Variants in SHROOM1 observed in about 807,000 individuals in gnomAD.
SHROOM1 encodes the protein shroom family member 1, also known as protein Shroom1.
A neutral mutation model predicts 64.2 loss-of-function variants in SHROOM1; 53 were observed. The observed-to-expected ratio is 0.83, with a 90% CI of 0.66 to 1.04. The LOEUF (loss-of-function observed/expected upper bound fraction) is 1.04, where lower values mean the gene tolerates loss of function less well. Among genes scored for constraint, SHROOM1 ranks in the 50% least tolerant of loss-of-function variants. The probability of loss-of-function intolerance (pLI) is 0.00; values close to 1 mark genes in which losing one functional copy is unlikely to be tolerated. For synonymous variants in SHROOM1, 490 were observed against 518.9 expected, an observed-to-expected ratio of 0.94 and a Z score of 0.76; for missense variants, 1,179 against 1,163.2, an observed-to-expected ratio of 1.01 and a Z score of -0.20.
chr5:132,830,023 C>G lies in SHROOM1; in HGVS notation c.-501+571G>C, dbSNP rs1006003698. 20 of 985,254 alleles carry G rather than the reference C, an allele frequency of 2.0e-5. No homozygotes were observed. The highest frequency in any genetic ancestry group is 6.1e-5 in the Admixed American group (1 of 16,266). 61.0% of individuals were successfully genotyped at this position (985,254 alleles called of 1,614,324 possible). A position where few individuals can be genotyped will look rare whatever the true frequency, so the allele number is the denominator to read the frequency against. On this transcript the variant is annotated intron_variant, in intron 1 of 9. Transcript: ENST00000378679. This position sits in a 1 kb window ranked among gnomAD's most constrained non-coding sequence, Gnocchi z 5.9. The stretch of plus-strand genomic sequence containing the variant: ...AGGCGGCCGCGGGCGTGGACAGACC[C>G]GGTTACCTGGGGTTCAATCTCTGGG...
rs1408873625 is a variant in SHROOM1 at position 132,823,014 on chromosome 5, G to C, written c.2341C>G (p.Leu781Val). ...RAVREVLVRALPVEELRVYCA... is the reference protein window; with the variant it reads ...RAVREVLVRAVPVEELRVYCA... ...TAGACGCGCAGCTCCTCCACCGGTA[G>C]TGCTCGCACCAGCACCTCCCGCACG... The change falls in exon 10 of 10, where the codon CTA (leucine) becomes GTA (valine). Residue 781 changes from leucine to valine, a missense_variant. Physicochemically the swap from Leu to Val is conservative, Grantham distance 32. Transcript: ENST00000378679. The surrounding 1 kb of genome is among the most constrained non-coding windows in gnomAD (Gnocchi z 4.6). 6.2e-7 allele frequency: 1 copy of C among 1,603,724 alleles called. No individual in the cohort carries two copies. Among genetic ancestry groups the C allele is most frequent in the East Asian group, 2.2e-5 (1 of 44,850 alleles).
intron 1 of SHROOM1, among the ~76,000 whole-genome samples, chr5:132,827,876 C>T (rs1758752063): frequency 6.6e-6 from 1 of 152,106 alleles, no homozygotes; most frequent in Non-Finnish European, 1.5e-5. Context: ...GCAAGCACAG[C>T]TTGGGGCAGG....
intron 1 of SHROOM1, among the ~76,000 whole-genome samples, chr5:132,828,153 C>G (rs1421478911): frequency 6.6e-6 from 1 of 152,092 alleles, no homozygotes; most frequent in Non-Finnish European, 1.5e-5. Context: ...CTATCTGGAG[C>G]TCAGAGTCAC....
At position 132,826,516 on chromosome 5, in the gene SHROOM1, C is replaced by T. The variant is rs558704662; in HGVS notation, c.-282G>A. The T allele has an allele frequency of 4.7e-6, 1 of 214,336 alleles. No homozygotes were observed. Among genetic ancestry groups the T allele is most frequent in the South Asian group, 1.8e-4 (1 of 5,416 alleles). 13.3% of individuals were successfully genotyped at this position (214,336 alleles called of 1,614,324 possible). A position where few individuals can be genotyped will look rare whatever the true frequency, so the allele number is the denominator to read the frequency against. On this transcript the variant is annotated 5_prime_UTR_variant, in exon 3 of 10. Transcript: ENST00000378679. The stretch of plus-strand genomic sequence containing the variant: ...GAACGCTGAGAATGTACCCATGTTC[C>T]TTTCCTCCCCAACCCTGTTCCACCC...
At chr5:132,829,809 C>G (rs1159350642) in intron 1 of SHROOM1, 35 of 985,348 alleles carry the variant, frequency 3.6e-5, no homozygotes, top group Non-Finnish European at 4.1e-5. Context: ...CACCGGCTCT[C>G]CCTGTCCCCA....
In SHROOM1 at chr5:132,823,512, G is replaced by A. The variant is rs746741830; in HGVS notation, c.1964C>T (p.Ala655Val). The A allele has an allele frequency of 2.5e-6, 4 of 1,600,286 alleles. No individual in the cohort carries two copies. In the South Asian group the frequency reaches 4.4e-5, roughly 18 times the overall value. The change falls in exon 9 of 10, where the codon GCC becomes GTC. Residue 655 changes from alanine to valine, a missense_variant. Ala to Val is a moderately conservative substitution (Grantham distance 64). Transcript: ENST00000378679. The surrounding 1 kb of genome is among the most constrained non-coding windows in gnomAD (Gnocchi z 4.6). Reference sequence around the variant, plus strand: ...CTGAAGCATCTTTTGGAGGCGGGCGGCCAGCTCCACCTACAGGGAAGGCTC... The same window carrying A: ...CTGAAGCATCTTTTGGAGGCGGGCGACCAGCTCCACCTACAGGGAAGGCTC... The part of the protein sequence containing the change: ...NSIQGKKVEL[A>V]ARLQKMLQDL...
Position 132,826,151 on chromosome 5 carries a change from A to T in SHROOM1, c.-11T>A. Reference sequence around the variant, plus strand: ...TCCCAGGGCCTCCATGGCTGCGCAGATGAGTGCTGAGGCTGGGTGGCTGCG... The same window carrying T: ...TCCCAGGGCCTCCATGGCTGCGCAGTTGAGTGCTGAGGCTGGGTGGCTGCG... On this transcript the variant is annotated 5_prime_UTR_variant, in exon 4 of 10. Transcript: ENST00000378679. 1 of 1,352,948 alleles carries T rather than the reference A, an allele frequency of 7.4e-7. No individual in the cohort carries two copies. The highest frequency in any genetic ancestry group is 2.8e-5 in the East Asian group (1 of 35,228). 83.8% of individuals were successfully genotyped at this position (1,352,948 alleles called of 1,614,324 possible). A position where few individuals can be genotyped will look rare whatever the true frequency, so the allele number is the denominator to read the frequency against.
Position 132,825,502 on chromosome 5 carries a change from G to A in SHROOM1, c.639C>T (p.Pro213=). ...APAPGTAGRG[P]LANQQRKWCF... Reference sequence around the variant, plus strand: ...ACCACTTCCGCTGCTGGTTGGCGAGGGGACCCCGGCCGGCAGTTCCTGGCG... The same window carrying A: ...ACCACTTCCGCTGCTGGTTGGCGAGAGGACCCCGGCCGGCAGTTCCTGGCG... The change falls in exon 4 of 10, where the codon CCC becomes CCT. Residue 213 remains proline (P), a synonymous_variant. Coordinates refer to ENST00000378679, the MANE Select transcript of SHROOM1 (RefSeq NM_001172700.2). This position sits in a 1 kb window ranked among gnomAD's most constrained non-coding sequence, Gnocchi z 5.1. 1 of 1,501,618 alleles carries A rather than the reference G, an allele frequency of 6.7e-7. No homozygotes were observed. Among genetic ancestry groups the A allele is most frequent in the Non-Finnish European group, 8.8e-7 (1 of 1,131,246 alleles). The allele number at this position is 1,501,618 out of a possible 1,614,324, so 93.0% of individuals were successfully genotyped here. A position where few individuals can be genotyped will look rare whatever the true frequency, so the allele number is the denominator to read the frequency against.
At chr5:132,827,252 T>C (rs1248466370) in intron 2 of SHROOM1, among the ~76,000 whole-genome samples, 2 of 152,210 alleles carry the variant, frequency 1.3e-5, no homozygotes, top group African/African-American at 2.4e-5. Flanking sequence ...CTGAGCTTCC[T>C]GAGAATGGGC....
chr5:132,825,832 G>C lies in SHROOM1; in HGVS notation c.309C>G (p.Thr103=), dbSNP rs1326334660. ...SGPQPTEVPG[T]PGPLNRQATP... The stretch of plus-strand genomic sequence containing the variant: ...TGGCCTGCCTGTTCAGTGGTCCCGG[G>C]GTCCCCGGGACCTCTGTTGGCTGCG... The change falls in exon 4 of 10, where the codon ACC becomes ACG. Residue 103 remains threonine, a synonymous_variant. Transcript: ENST00000378679. The surrounding 1 kb of genome is among the most constrained non-coding windows in gnomAD (Gnocchi z 5.1). The C allele has an allele frequency of 7.9e-7, 1 of 1,263,672 alleles. No individual in the cohort carries two copies. Among genetic ancestry groups the C allele is most frequent in the Admixed American group, 4.2e-5 (1 of 23,676 alleles). The allele number at this position is 1,263,672 out of a possible 1,614,324, so 78.3% of individuals were successfully genotyped here.
In SHROOM1 at chr5:132,825,623, G is replaced by T; in HGVS notation, c.518C>A (p.Pro173His). 1 of 1,348,686 alleles carries T rather than the reference G, an allele frequency of 7.4e-7. No homozygotes were observed. Among genetic ancestry groups the T allele is most frequent in the South Asian group, 1.9e-5 (1 of 53,530 alleles). 83.5% of individuals were successfully genotyped at this position (1,348,686 alleles called of 1,614,324 possible). A position where few individuals can be genotyped will look rare whatever the true frequency, so the allele number is the denominator to read the frequency against. The change falls in exon 4 of 10, where the codon CCC becomes CAC. Residue 173 changes from proline (P) to histidine (H), a missense_variant. Pro to His is a moderately conservative substitution (Grantham distance 77). Coordinates refer to ENST00000378679, the MANE Select transcript of SHROOM1 (RefSeq NM_001172700.2). The surrounding 1 kb of genome is among the most constrained non-coding windows in gnomAD (Gnocchi z 5.1). ...CGCCGGGGGCCGCGCTGGGACAGTG[G>T]GCCGCAGACGGGCGGGCAGGCTCAT... ...LRMSLPARLR[P>H]TVPARPPATH...
In SHROOM1 at chr5:132,823,849, C is replaced by A; in HGVS notation, c.1811+1G>T. ...CAGATTCCCTAGTACACCTCACTCA[C>A]CCTGGCTCAAAAGTACTGGCAGCCT... is the stretch of plus-strand genomic sequence containing the variant. On this transcript the variant is annotated splice_donor_variant, in intron 7 of 9. Coordinates refer to ENST00000378679, the MANE Select transcript of SHROOM1 (RefSeq NM_001172700.2). LOFTEE classifies it high-confidence loss of function. This position sits in a 1 kb window ranked among gnomAD's most constrained non-coding sequence, Gnocchi z 4.6. 2 of 1,527,686 alleles carry A rather than the reference C, an allele frequency of 1.3e-6. No individual in the cohort carries two copies. The highest frequency in any genetic ancestry group is 8.8e-7 in the Non-Finnish European group (1 of 1,138,922). 94.6% of individuals were successfully genotyped at this position (1,527,686 alleles called of 1,614,324 possible). A position where few individuals can be genotyped will look rare whatever the true frequency, so the allele number is the denominator to read the frequency against.
Position 132,825,622 on chromosome 5 carries a change from G to A in SHROOM1, c.519C>T (p.Pro173=), listed in dbSNP as rs1268903041. The change falls in exon 4 of 10, where the codon CCC becomes CCT. Residue 173 remains proline, a synonymous_variant. Coordinates refer to ENST00000378679, the MANE Select transcript of SHROOM1 (RefSeq NM_001172700.2). This position sits in a 1 kb window ranked among gnomAD's most constrained non-coding sequence, Gnocchi z 5.1. The stretch of plus-strand genomic sequence containing the variant: ...TCGCCGGGGGCCGCGCTGGGACAGT[G>A]GGCCGCAGACGGGCGGGCAGGCTCA... ...LRMSLPARLR[P]TVPARPPATH... is the part of the protein sequence containing the mutation. 2 of 1,350,898 alleles carry A rather than the reference G, an allele frequency of 1.5e-6. No individual in the cohort carries two copies. Among genetic ancestry groups the A allele is most frequent in the African/African-American group, 3.1e-5 (2 of 64,802 alleles). The allele number at this position is 1,350,898 out of a possible 1,614,324, so 83.7% of individuals were successfully genotyped here.
At position 132,826,284 on chromosome 5, in the gene SHROOM1, C is replaced by T; in HGVS notation, c.-50G>A. The T allele has an allele frequency of 8.0e-7, 1 of 1,247,054 alleles. No homozygotes were observed. The highest frequency in any genetic ancestry group is 1.0e-6 in the Non-Finnish European group (1 of 996,998). 77.2% of individuals were successfully genotyped at this position (1,247,054 alleles called of 1,614,324 possible). A position where few individuals can be genotyped will look rare whatever the true frequency, so the allele number is the denominator to read the frequency against. ...GGACGGCCAGACACTTACACTTCCCCTCCCTGGTCACACCGTCACAAGCGC... is the reference window on the plus strand; with the variant it reads ...GGACGGCCAGACACTTACACTTCCCTTCCCTGGTCACACCGTCACAAGCGC... On this transcript the variant is annotated 5_prime_UTR_variant, in exon 3 of 10. Transcript: ENST00000378679.
intron 1 of SHROOM1, chr5:132,829,831 T>C: frequency 2.0e-6 from 2 of 985,416 alleles, no homozygotes; most frequent in Non-Finnish European, 2.4e-6. Context: ...CGTCCCCCGT[T>C]CTCCCAGCCT....
chr5:132,822,871 G>A lies in SHROOM1; in HGVS notation c.2484C>T (p.Ala828=). ...DAIRDDLGHH[A]PSPSPARPPG... Reference sequence around the variant, plus strand: ...GGGGCCGCGCCGGGCTGGGAGACGGGGCATGATGGCCAAGGTCGTCCCTGA... The same window carrying A: ...GGGGCCGCGCCGGGCTGGGAGACGGAGCATGATGGCCAAGGTCGTCCCTGA... The change falls in exon 10 of 10, where the codon GCC becomes GCT. Residue 828 remains alanine, a synonymous_variant. Transcript: ENST00000378679. 6.2e-7 allele frequency: 1 copy of A among 1,613,574 alleles called. No homozygotes were observed. The highest frequency in any genetic ancestry group is 8.5e-7 in the Non-Finnish European group (1 of 1,179,988).
chr5:132,824,472 G>A, intron 6 of SHROOM1, 53 bp from the exon 7 acceptor site: 1 of 1,522,332 alleles, frequency 6.6e-7, no homozygotes, highest in Non-Finnish European at 8.8e-7. Flanking sequence ...CAAACAAATG[G>A]TGGCCTCCAA....
In SHROOM1 at chr5:132,822,335, C is replaced by T. The variant is rs1758467847; in HGVS notation, c.*461G>A. On this transcript the variant is annotated 3_prime_UTR_variant, in exon 10 of 10. Coordinates refer to ENST00000378679, the MANE Select transcript of SHROOM1 (RefSeq NM_001172700.2). ...AGACCTGGGTGAGGCCACATGAGAA[C>T]ACTTTGGAGAAGTATCTTTTTTTTT... The T allele has an allele frequency of 7.2e-6, 1 of 139,222 alleles. No individual in the cohort carries two copies. The highest frequency in any genetic ancestry group is 2.7e-5 in the African/African-American group (1 of 37,726). The allele number at this position is 139,222 out of a possible 1,614,324, so 8.6% of individuals were successfully genotyped here. A position where few individuals can be genotyped will look rare whatever the true frequency, so the allele number is the denominator to read the frequency against.
rs201646060 is a variant in SHROOM1 at position 132,823,569 on chromosome 5, C to T, written c.1954-47G>A. 1.1e-4 allele frequency: 175 copies of T among 1,568,830 alleles called. No homozygotes were observed. The highest frequency in any genetic ancestry group is 1.4e-4 in the Non-Finnish European group (166 of 1,154,132). ...GGGGCCAGGCTCATGACTTCCCTGC[C>T]CAGGCTCTGGGCTCCTACCCACCCC... is the stretch of plus-strand genomic sequence containing the variant. On this transcript the variant is annotated intron_variant, in intron 8 of 9. Transcript: ENST00000378679. This position sits in a 1 kb window ranked among gnomAD's most constrained non-coding sequence, Gnocchi z 4.6.
Sources: allele counts gnomAD v4.1 joint callset (sites outside exome capture counted in the v4.1 genomes callset), GRCh38; gene constraint gnomAD v4.1.1; non-coding constraint Gnocchi (gnomAD v3.1); transcripts MANE v1.5; gene names NCBI Gene and HGNC (gene_info 2026-07-23, HGNC 2026-07-21).